The following HIVEP1 variants were observed in gnomAD, a reference collection of about 807,000 sequenced individuals.
HIVEP1 encodes the protein zinc finger protein 40.
In HIVEP1, 36 loss-of-function variants were observed where a neutral mutation model predicts 180.0. The ratio of observed to expected loss-of-function variants is 0.20; its 90% CI spans 0.15 to 0.26. The LOEUF (loss-of-function observed/expected upper bound fraction) is 0.26. Ranked by LOEUF, HIVEP1 falls within the 10% of genes least tolerant of loss-of-function variation. The pLI is 1.00. For missense variants in HIVEP1, 3,143 were observed against 3,268.7 expected, an observed-to-expected ratio of 0.96 and a Z score of 0.94; for synonymous variants, 1,239 against 1,239.0, an observed-to-expected ratio of 1.00 and a Z score of 0.00.
chr6:12,211,533 C>T, the HIVEP1 span, among the ~76,000 whole-genome samples: 37,496 of 148,906 alleles, frequency 0.25, 4,765 homozygotes, highest in East Asian at 0.33. Context: ...TTTATGTATA[C>T]ACATACATAT....
At chr6:12,176,984 T>A in the HIVEP1 span, among the ~76,000 whole-genome samples, 5 of 152,144 alleles carry the variant, frequency 3.3e-5, no homozygotes, top group Admixed American at 6.5e-5. Flanking sequence ...TATGCAGCCA[T>A]GAAAAAGAAC....
At chr6:12,187,358 C>T in the HIVEP1 span, among the ~76,000 whole-genome samples, 1 of 152,052 alleles carries the variant, frequency 6.6e-6, no homozygotes, top group Non-Finnish European at 1.5e-5. Context: ...GATTAATGCC[C>T]TCCCTGTGGG....
chr6:12,037,052 C>T (rs536929602), intron 2 of HIVEP1, among the ~76,000 whole-genome samples: 23 of 152,232 alleles, frequency 1.5e-4, no homozygotes, highest in Non-Finnish European at 2.2e-4. Context: ...AAAGTAGTGA[C>T]GTTCAAGTTT....
chr6:12,182,128 C>T, the HIVEP1 span, among the ~76,000 whole-genome samples: 3 of 152,092 alleles, frequency 2.0e-5, no homozygotes, highest in Non-Finnish European at 4.4e-5. Flanking sequence ...CCTGTATTAA[C>T]AGTAGATTAC....
chr6:12,127,364 A>G (rs553200211), intron 4 of HIVEP1, among the ~76,000 whole-genome samples: 2 of 152,328 alleles, frequency 1.3e-5, no homozygotes, highest in African/African-American at 4.8e-5. Context: ...CACCTGTGGA[A>G]TTTGTTAAGT....
chr6:12,180,213 C>T, the HIVEP1 span, among the ~76,000 whole-genome samples: 2 of 152,082 alleles, frequency 1.3e-5, no homozygotes, highest in Non-Finnish European at 2.9e-5. Flanking sequence ...CCTGAGGCCC[C>T]GGAAAATGTT....
intron 2 of HIVEP1, among the ~76,000 whole-genome samples, chr6:12,034,732 G>A (rs888584901): frequency 1.3e-5 from 2 of 152,170 alleles, no homozygotes; most frequent in African/African-American, 2.4e-5. Context: ...ACCTATGCAT[G>A]TATTTCTGAT....
rs754968485 is a variant in HIVEP1, at chr6:12,164,419, G to A, written c.8115G>A (p.Val2705=). 3.7e-6 allele frequency: 6 copies of A among 1,613,000 alleles called. No individual in the cohort carries two copies. In the East Asian group the frequency reaches 1.3e-4, roughly 36 times the overall value. ...AGCCCACTGTGCACTTCAGCGACGT[G>A]AGCAGCGATGATGACGAGGACAGGC... ...RRQPTVHFSD[V]SSDDDEDRLV... is the part of the protein sequence containing the mutation. The change falls in exon 9 of 9, where the codon GTG becomes GTA. Residue 2705 remains valine, a synonymous_variant. Transcript: ENST00000379388.
rs180876454 is a variant in HIVEP1, at chr6:12,044,737, C to T, written c.40+29069C>T. 1.4e-3 allele frequency among the ~76,000 whole-genome samples: 211 copies of T among 151,552 alleles called. 1 individual carries two copies. The highest frequency in any genetic ancestry group is 4.8e-3 in the African/African-American group (199 of 41,162). Reference sequence around the variant, plus strand: ...TCAAAGCCAGCACACCTGTGTACAGCTGAGGACTTGCTGTCCCCCACTCAA... The same window carrying T: ...TCAAAGCCAGCACACCTGTGTACAGTTGAGGACTTGCTGTCCCCCACTCAA... On this transcript the variant is annotated intron_variant, in intron 2 of 8. Coordinates refer to ENST00000379388, the MANE Select transcript of HIVEP1 (RefSeq NM_002114.4).
rs181570412 is a variant in HIVEP1, at chr6:12,024,381, A to G, written c.40+8713A>G. Reference sequence around the variant, plus strand: ...ATGCAAACATATTGAAAAAATAGAAAGTGATAACAAAACGGTTGGCTGCTG... The same window carrying G: ...ATGCAAACATATTGAAAAAATAGAAGGTGATAACAAAACGGTTGGCTGCTG... On this transcript the variant is annotated intron_variant, in intron 2 of 8. Coordinates refer to ENST00000379388, the MANE Select transcript of HIVEP1 (RefSeq NM_002114.4). Among the ~76,000 whole-genome samples the G allele has an allele frequency of 1.9e-3, 282 of 152,274 alleles. 2 individuals carry two copies. The highest frequency in any genetic ancestry group is 6.3e-3 in the African/African-American group (263 of 41,560).
chr6:12,059,948 A>G (rs1309253238), intron 2 of HIVEP1, among the ~76,000 whole-genome samples: 2 of 152,228 alleles, frequency 1.3e-5, no homozygotes, highest in African/African-American at 4.8e-5. Flanking sequence ...ATACATGTAT[A>G]CATATATATG....
At chr6:12,074,939 A>G (rs1005426542) in intron 2 of HIVEP1, among the ~76,000 whole-genome samples, 1 of 152,174 alleles carries the variant, frequency 6.6e-6, no homozygotes, top group Non-Finnish European at 1.5e-5. Context: ...AACAGTGGCA[A>G]ATTGGGATAG....
At chr6:12,161,235 G>A (rs774089840) in intron 7 of HIVEP1, among the ~76,000 whole-genome samples, 11 of 152,082 alleles carry the variant, frequency 7.2e-5, no homozygotes, top group African/African-American at 2.7e-4. Context: ...GGCCCCTCCC[G>A]CAGAGCTGCC....
In HIVEP1 at chr6:12,122,435, A is replaced by C. The variant is rs373063986; in HGVS notation, c.2640A>C (p.Val880=). 2.6e-5 allele frequency: 42 copies of C among 1,614,232 alleles called. No homozygotes were observed. In the East Asian group the frequency reaches 7.8e-4, roughly 30 times the overall value. ...KIGAFYDDVF[V]SGPNAPVPQS... is the part of the protein sequence containing the mutation. ...GCGCTTTCTATGATGATGTCTTTGT[A>C]TCGGGACCTAACGCTCCTGTGCCCC... is the stretch of plus-strand genomic sequence containing the variant. Residue 880 remains valine, a synonymous_variant, in exon 4 of 9, where the codon GTA becomes GTC. Transcript: ENST00000379388.
In HIVEP1 at chr6:12,013,095, C is replaced by T. The variant is rs1767488305; in HGVS notation, c.-104+529C>T. Reference sequence around the variant, plus strand: ...GGCTGGAGAGGGGAGGGGGCGGCGGCGGAGCAGGCGGCGAGGAGGAGTCTC... The same window carrying T: ...GGCTGGAGAGGGGAGGGGGCGGCGGTGGAGCAGGCGGCGAGGAGGAGTCTC... On this transcript the variant is annotated intron_variant, in intron 1 of 8. Transcript: ENST00000379388. Among the ~76,000 whole-genome samples, 7 of 152,076 alleles carry T rather than the reference C, an allele frequency of 4.6e-5. No individual in the cohort carries two copies. In the South Asian group the frequency reaches 1.4e-3, roughly 31 times the overall value.
intron 3 of HIVEP1, among the ~76,000 whole-genome samples, chr6:12,095,635 C>T (rs752377561): frequency 2.0e-5 from 3 of 151,742 alleles, no homozygotes; most frequent in Admixed American, 6.6e-5. Flanking sequence ...ACCATGTAAT[C>T]AAAATTTTCT....
intron 2 of HIVEP1, among the ~76,000 whole-genome samples, chr6:12,016,155 G>A (rs893946444): frequency 1.3e-5 from 2 of 152,138 alleles, no homozygotes; most frequent in African/African-American, 4.8e-5. Context: ...GAAGTCAGAG[G>A]CAAACTGAGT....
intron 7 of HIVEP1, among the ~76,000 whole-genome samples, chr6:12,148,316 T>A (rs1581785223): frequency 1.3e-5 from 2 of 152,114 alleles, no homozygotes; most frequent in African/African-American, 4.8e-5. Context: ...CGTCTCCACC[T>A]CCCTCATCAT....
chr6:12,168,108 T>TATTATATATACA (rs1562024491), downstream of HIVEP1, among the ~76,000 whole-genome samples: 13 of 7,756 alleles, frequency 1.7e-3, 3 homozygotes, highest in East Asian at 0.028. Context: ...CACGTATATA[T>TATTATATATACA]GTATATTATA....
Sources: gnomAD v4.1 joint callset for allele counts (sites outside exome capture counted in the v4.1 genomes callset) on GRCh38, gnomAD v4.1.1 for gene constraint, MANE v1.5 for transcripts, NCBI Gene and HGNC (gene_info 2026-07-23, HGNC 2026-07-21) for gene names.